SLC39A11: variants seen among roughly 807,000 people sequenced by gnomAD.
SLC39A11 encodes zinc transporter ZIP11.
A neutral mutation model predicts 36.1 loss-of-function variants in SLC39A11; 33 were observed. The observed-to-expected ratio is 0.91, with a 90% CI of 0.69 to 1.22. The LOEUF (loss-of-function observed/expected upper bound fraction) is 1.22. SLC39A11 is among the 50% of genes most tolerant of loss of function. The pLI is 0.00. For synonymous variants in SLC39A11, 166 were observed against 170.3 expected (o/e 0.97, Z 0.20); for missense variants, 432 against 430.3 (o/e 1.00, Z -0.03).
chr17:73,024,366 CTG>C (rs1443621691), intron 4 of SLC39A11, among the ~76,000 whole-genome samples: 1 of 152,222 alleles, frequency 6.6e-6, no homozygotes, highest in Non-Finnish European at 1.5e-5. Context: ...CAAAGGGCTA[CTG>C]TTCAATGTCC....
chr17:72,778,764 C>A (rs149908491), intron 6 of SLC39A11, among the ~76,000 whole-genome samples: 1 of 152,206 alleles, frequency 6.6e-6, no homozygotes, highest in Non-Finnish European at 1.5e-5. Context: ...GTTGTCCCTA[C>A]GCTGAGCAAG....
At chr17:72,929,939 C>T (rs1011566261) in intron 5 of SLC39A11, among the ~76,000 whole-genome samples, 2 of 152,160 alleles carry the variant, frequency 1.3e-5, no homozygotes, top group Admixed American at 6.5e-5. Flanking sequence ...GGGAAAGCAA[C>T]ACTGAAATGT....
intron 6 of SLC39A11, among the ~76,000 whole-genome samples, chr17:72,836,872 AG>A (rs2078572724): frequency 6.6e-6 from 1 of 152,126 alleles, no homozygotes; most frequent in African/African-American, 2.4e-5. Flanking sequence ...GCTACTGAGA[AG>A]GCCCCTCCAG....
chr17:72,962,074 T>C (rs1365621911), intron 4 of SLC39A11, among the ~76,000 whole-genome samples: 1 of 152,216 alleles, frequency 6.6e-6, no homozygotes, highest in African/African-American at 2.4e-5. Context: ...GAGAAAGTAC[T>C]GAAGCAGCTT....
At chr17:73,056,109 C>T (rs1054883737) in intron 3 of SLC39A11, among the ~76,000 whole-genome samples, 2 of 152,154 alleles carry the variant, frequency 1.3e-5, no homozygotes, top group Non-Finnish European at 2.9e-5. Flanking sequence ...CGTGAGGTCC[C>T]ATCTTCCCCA....
intron 6 of SLC39A11, among the ~76,000 whole-genome samples, chr17:72,828,309 G>A (rs2078115980): frequency 1.3e-5 from 2 of 152,318 alleles, no homozygotes; most frequent in South Asian, 2.1e-4. Flanking sequence ...AGGAAGGTAG[G>A]AGAGTTAGCA....
chr17:72,914,633 C>A (rs1223066104), intron 5 of SLC39A11, among the ~76,000 whole-genome samples: 1 of 152,090 alleles, frequency 6.6e-6, no homozygotes, highest in African/African-American at 2.4e-5. Flanking sequence ...GCATTCCCAG[C>A]ACTTTGGGAG....
intron 7 of SLC39A11, among the ~76,000 whole-genome samples, chr17:72,680,785 T>C (rs182363374): frequency 1.3e-5 from 2 of 152,252 alleles, no homozygotes; most frequent in Non-Finnish European, 2.9e-5. Context: ...TGTATTTGTA[T>C]CAGTACTTCT....
chr17:73,012,264 ACT>A (rs984843263), intron 4 of SLC39A11, among the ~76,000 whole-genome samples: 4 of 151,906 alleles, frequency 2.6e-5, no homozygotes, highest in Admixed American at 2.0e-4. Flanking sequence ...ACAGAGCAAG[ACT>A]CTGTCTCAAA....
At chr17:73,084,189 G>A (rs2060638996) in intron 3 of SLC39A11, among the ~76,000 whole-genome samples, 2 of 152,092 alleles carry the variant, frequency 1.3e-5, no homozygotes. Flanking sequence ...TGTAATCCCA[G>A]CACTTTTGGA....
chr17:72,958,180 T>G (rs1326580237), intron 4 of SLC39A11, among the ~76,000 whole-genome samples: 2 of 152,210 alleles, frequency 1.3e-5, no homozygotes, highest in African/African-American at 4.8e-5. Context: ...AGAATGAAAC[T>G]GGATCCTCAT....
chr17:72,747,674 G>C (rs1164443333), intron 6 of SLC39A11, among the ~76,000 whole-genome samples: 1 of 152,208 alleles, frequency 6.6e-6, no homozygotes, highest in Non-Finnish European at 1.5e-5. Flanking sequence ...ACTTAGCTGA[G>C]CCTTCTGGGG....
chr17:72,886,981 C>T (rs774278030), intron 5 of SLC39A11, among the ~76,000 whole-genome samples: 5 of 152,218 alleles, frequency 3.3e-5, no homozygotes, highest in Non-Finnish European at 5.9e-5. Flanking sequence ...TCCCTGACTG[C>T]CTGATCTAAA....
At chr17:72,734,631 C>T (rs994567836) in intron 7 of SLC39A11, among the ~76,000 whole-genome samples, 20 of 152,246 alleles carry the variant, frequency 1.3e-4, no homozygotes, top group African/African-American at 4.6e-4. Flanking sequence ...TTTTGCTCCA[C>T]TTTCTTCCAA....
At chr17:72,814,305 A>G (rs1200971225) in intron 6 of SLC39A11, among the ~76,000 whole-genome samples, 1 of 152,090 alleles carries the variant, frequency 6.6e-6, no homozygotes, top group African/African-American at 2.4e-5. Flanking sequence ...CTGGAGAAGG[A>G]GTAGTTCCTC....
chr17:72,871,515 G>A (rs1319322101), intron 5 of SLC39A11, among the ~76,000 whole-genome samples: 1 of 152,184 alleles, frequency 6.6e-6, no homozygotes, highest in African/African-American at 2.4e-5. Flanking sequence ...CCTCTGGGGA[G>A]GAGGAGAGGG....
At chr17:72,905,696 A>G (rs1308316133) in intron 5 of SLC39A11, among the ~76,000 whole-genome samples, 1 of 151,736 alleles carries the variant, frequency 6.6e-6, no homozygotes, top group African/African-American at 2.4e-5. Context: ...GGCTCTACCC[A>G]ACATCTACTG....
chr17:72,776,077 T>G (rs1178732562), intron 6 of SLC39A11, among the ~76,000 whole-genome samples: 1 of 152,346 alleles, frequency 6.6e-6, no homozygotes, highest in East Asian at 1.9e-4. Flanking sequence ...GCAGACCCCC[T>G]GCTTGGGGGA....
At position 72,648,849 on chromosome 17, in the gene SLC39A11, T is replaced by C. The variant is rs760987321; in HGVS notation, c.883A>G (p.Met295Val). ...PYALAFAAGA[M>V]VYVVMDDIIP... ...ATGTCGTCCATGACCACGTAGACCA[T>C]GGCACCGGCAGCAAAGGCCAGAGCG... Residue 295 changes from methionine to valine, a missense_variant, in exon 9 of 10, where the codon ATG (methionine) becomes GTG (valine). By Grantham distance (21) the Met-to-Val change is conservative. Coordinates refer to ENST00000255559, the MANE Select transcript of SLC39A11 (RefSeq NM_139177.4). The C allele has an allele frequency of 6.2e-6, 10 of 1,614,000 alleles. No individual in the cohort carries two copies. Among genetic ancestry groups the C allele is most frequent in the Non-Finnish European group, 5.9e-6 (7 of 1,180,036 alleles).
Sources: gnomAD v4.1 joint callset for allele counts (sites outside exome capture counted in the v4.1 genomes callset) on GRCh38, gnomAD v4.1.1 for gene constraint, MANE v1.5 for transcripts, NCBI Gene and HGNC (gene_info 2026-07-23, HGNC 2026-07-21) for gene names.